SIGLEC1: variants seen among roughly 807,000 people sequenced by gnomAD.
SIGLEC1 encodes sialic acid binding Ig like lectin 1, also known as sialoadhesin.
In SIGLEC1, 132 loss-of-function variants were observed where a neutral mutation model predicts 148.0. The observed-to-expected ratio is 0.89, with a 90% CI of 0.77 to 1.03. The LOEUF (loss-of-function observed/expected upper bound fraction) is 1.03, where lower values mean the gene tolerates loss of function less well. Ranked by LOEUF, SIGLEC1 falls within the 50% of genes least tolerant of loss-of-function variation. The pLI is 0.00. For synonymous variants in SIGLEC1, 945 were observed against 969.0 expected, an observed-to-expected ratio of 0.98 and a Z score of 0.46; for missense variants, 2,253 against 2,271.4, an observed-to-expected ratio of 0.99 and a Z score of 0.16.
chr20:3,692,945 T>C lies in SIGLEC1; in HGVS notation c.3695A>G (p.Gln1232Arg). 1 of 1,612,646 alleles carries C rather than the reference T, an allele frequency of 6.2e-7. No individual in the cohort carries two copies. The highest frequency in any genetic ancestry group is 8.5e-7 in the Non-Finnish European group (1 of 1,179,908). The change falls in exon 15 of 22, where the codon CAG becomes CGG. Residue 1232 changes from glutamine to arginine, a missense_variant. Coordinates refer to ENST00000344754, the MANE Select transcript of SIGLEC1 (RefSeq NM_023068.4). Reference sequence around the variant, plus strand: ...GCTGTAGAAACCCTCATCCCTGGGCTGTGGCCCTCGCAGCTCCAGGCGCAG... The same window carrying C: ...GCTGTAGAAACCCTCATCCCTGGGCCGTGGCCCTCGCAGCTCCAGGCGCAG... Reference protein sequence around the residue: ...NTLRLELRGPQPRDEGFYSCS... With the variant: ...NTLRLELRGPRPRDEGFYSCS...
chr20:3,691,511 C>T lies in SIGLEC1; in HGVS notation c.4420G>A (p.Val1474Met). 6.2e-7 allele frequency: 1 copy of T among 1,613,344 alleles called. No homozygotes were observed. Among genetic ancestry groups the T allele is most frequent in the East Asian group, 2.2e-5 (1 of 44,890 alleles). ...SCRLLGGPGP[V>M]GNSTFAWFWN... Reference sequence around the variant, plus strand: ...AACCATGCAAAGGTGGAGTTGCCCACAGGCCCAGGGCCACCCAGGAGGCGG... The same window carrying T: ...AACCATGCAAAGGTGGAGTTGCCCATAGGCCCAGGGCCACCCAGGAGGCGG... The change falls in exon 18 of 22, where the codon GTG becomes ATG. Residue 1474 changes from valine (V) to methionine (M), a missense_variant. By Grantham distance (21) the Val-to-Met change is conservative. Transcript: ENST00000344754.
At chr20:3,699,058 G>A in intron 8 of SIGLEC1, 144 bp downstream of exon 8, 1 of 922,832 alleles carries the variant, frequency 1.1e-6, no homozygotes, top group South Asian at 1.6e-5. Flanking sequence ...AGCCCCACAT[G>A]GAAAGACCCA....
chr20:3,695,603 A>G (rs955896755), intron 11 of SIGLEC1, among the ~76,000 whole-genome samples: 3 of 152,190 alleles, frequency 2.0e-5, no homozygotes, highest in Non-Finnish European at 4.4e-5. Context: ...TAGCAGGGTC[A>G]TGCAACTGGG....
Position 3,694,124 on chromosome 20 carries a change from G to A in SIGLEC1, c.3256+97C>T, listed in dbSNP as rs149447765. On this transcript the variant is annotated intron_variant, in intron 13 of 21. Coordinates refer to ENST00000344754, the MANE Select transcript of SIGLEC1 (RefSeq NM_023068.4). ...AAGGGTGGGAATGGGGACTATTCCC[G>A]TGCCCCCAGGCTTCTAGAACCCTGT... The A allele has an allele frequency of 1.8e-4, 234 of 1,320,646 alleles. 2 individuals carry two copies. The African/African-American group carries it at 2.0e-3, about 11-fold the overall frequency. 81.8% of individuals were successfully genotyped at this position (1,320,646 alleles called of 1,614,324 possible).
chr20:3,703,843 T>A lies in SIGLEC1; in HGVS notation c.955A>T (p.Ile319Phe). The A allele has an allele frequency of 1.2e-6, 2 of 1,613,942 alleles. No homozygotes were observed. Among genetic ancestry groups the A allele is most frequent in the Non-Finnish European group, 1.7e-6 (2 of 1,179,994 alleles). The change falls in exon 5 of 22, where the codon ATC (isoleucine) becomes TTC (phenylalanine). Residue 319 changes from isoleucine (I) to phenylalanine (F), a missense_variant. Physicochemically the swap from Ile to Phe is conservative, Grantham distance 21. Transcript: ENST00000344754. ...NGVGSLVSPP[I>F]SLHIFMAEVQ... ...AACTCACTGAAGATGTGGAGGCTGA[T>A]GGGGGGTGAGACCAAAGAGCCCACG...
chr20:3,694,795 G>C lies in SIGLEC1; in HGVS notation c.2812C>G (p.Gln938Glu). 1 of 1,613,628 alleles carries C rather than the reference G, an allele frequency of 6.2e-7. No homozygotes were observed. Among genetic ancestry groups the C allele is most frequent in the East Asian group, 2.2e-5 (1 of 44,882 alleles). Reference sequence around the variant, plus strand: ...CGGAGCGTGGCCGAGGTCGACTCCTGGAGGGGCTGGCCATCCCGATACCAA... The same window carrying C: ...CGGAGCGTGGCCGAGGTCGACTCCTCGAGGGGCTGGCCATCCCGATACCAA... ...YRWYRDGQPL[Q>E]ESTSATLRFA... Residue 938 changes from glutamine to glutamate, a missense_variant, in exon 12 of 22, where the codon CAG (glutamine) becomes GAG (glutamate). Gln to Glu is a conservative substitution (Grantham distance 29, BLOSUM62 2). Transcript: ENST00000344754.
intron 7 of SIGLEC1, 98 bp downstream of exon 7, chr20:3,701,244 C>A: frequency 8.6e-7 from 1 of 1,156,582 alleles, no homozygotes; most frequent in South Asian, 1.6e-5. Flanking sequence ...TTAGCTCAGT[C>A]CTGCGGTTGA....
rs747105404 is a variant in SIGLEC1 at position 3,703,953 on chromosome 20, C to T, written c.845G>A (p.Arg282His). 8 of 1,612,842 alleles carry T rather than the reference C, an allele frequency of 5.0e-6. No homozygotes were observed. Among genetic ancestry groups the T allele is most frequent in the East Asian group, 4.5e-5 (2 of 44,852 alleles). ...SSIKWLKDGV[R>H]LQTKTGVLHL... is the part of the protein sequence containing the mutation. ...CAGCACACCAGTCTTGGTTTGGAGG[C>T]GTACCCCATCCTTGAGCCACTTAAT... The change falls in exon 5 of 22, where the codon CGC becomes CAC. Residue 282 changes from arginine to histidine, a missense_variant. Coordinates refer to ENST00000344754, the MANE Select transcript of SIGLEC1 (RefSeq NM_023068.4).
chr20:3,707,446 C>A (rs761634581), intron 1 of SIGLEC1, among the ~76,000 whole-genome samples: 8 of 152,176 alleles, frequency 5.3e-5, no homozygotes, highest in African/African-American at 7.2e-5. Flanking sequence ...GCTTTCCCAG[C>A]CCCTCAAGGA....
At chr20:3,704,257 G>A (rs914810170) in intron 4 of SIGLEC1, among the ~76,000 whole-genome samples, 166 bp from the exon 5 acceptor site, 5 of 152,166 alleles carry the variant, frequency 3.3e-5, no homozygotes, top group African/African-American at 9.7e-5. Flanking sequence ...GCCCATGTCC[G>A]TCCCTTTCCC....
Position 3,692,573 on chromosome 20 carries a change from G to A in SIGLEC1, c.3978C>T (p.Ala1326=), listed in dbSNP as rs1268272802. Residue 1326 remains alanine (A), a synonymous_variant, in exon 16 of 22, where the codon GCC becomes GCT. Transcript: ENST00000344754. ...AGCTGCGGGTGCCCTGGGCATCCTG[G>A]GCCTGGCAAGAGTAGGCGCCTGCAT... is the stretch of plus-strand genomic sequence containing the variant. The part of the protein sequence containing the change: ...RAHAGAYSCQ[A]QDAQGTRSSR... The A allele has an allele frequency of 1.2e-6, 2 of 1,610,402 alleles. No homozygotes were observed. Among genetic ancestry groups the A allele is most frequent in the Non-Finnish European group, 1.7e-6 (2 of 1,179,758 alleles).
Position 3,693,563 on chromosome 20 carries a change from G to C in SIGLEC1, c.3392C>G (p.Ala1131Gly), listed in dbSNP as rs772466445. Residue 1131 changes from alanine to glycine, a missense_variant, in exon 14 of 22, where the codon GCC becomes GGC. Physicochemically the swap from Ala to Gly is moderately conservative, Grantham distance 60. Transcript: ENST00000344754. ...GACGTTGGGCAGGGGGATGGAGTGG[G>C]CATCCAGGCGCTGCTGCCCATCCTG... ...WYQDGQQRLD[A>G]HSIPLPNVTV... 24 of 1,612,428 alleles carry C rather than the reference G, an allele frequency of 1.5e-5. No individual in the cohort carries two copies. In the Admixed American group the frequency reaches 3.7e-4, roughly 25 times the overall value.
In SIGLEC1 at chr20:3,710,406, G is replaced by C. The variant is rs1273473813; in HGVS notation, c.-110+2064C>G. On this transcript the variant is annotated intron_variant, in intron 1 of 21. Coordinates refer to ENST00000344754, the MANE Select transcript of SIGLEC1 (RefSeq NM_023068.4). The surrounding 1 kb of genome is among the most constrained non-coding windows in gnomAD (Gnocchi z 4.6). Reference sequence around the variant, plus strand: ...GACCCAGCCCTCTCGCAGGCTGCTGGAGTGGACTGATCTGGCCATTTATGG... The same window carrying C: ...GACCCAGCCCTCTCGCAGGCTGCTGCAGTGGACTGATCTGGCCATTTATGG... Among the ~76,000 whole-genome samples, 1 of 152,222 alleles carries C rather than the reference G, an allele frequency of 6.6e-6. No homozygotes were observed. Among genetic ancestry groups the C allele is most frequent in the Non-Finnish European group, 1.5e-5 (1 of 68,026 alleles).
rs2087898691 is a variant in SIGLEC1, at chr20:3,706,679, G to A, written c.77C>T (p.Pro26Leu). The A allele has an allele frequency of 2.6e-6, 4 of 1,552,886 alleles. No individual in the cohort carries two copies. In the East Asian group the frequency reaches 9.7e-5, roughly 38 times the overall value. Residue 26 changes from proline to leucine, a missense_variant, in exon 3 of 22, where the codon CCC (proline) becomes CTC (leucine). Transcript: ENST00000344754. ...CCCCTTCACACCCTGCACGTCCTGG[G>A]GACTGGAGACGCCCCATGAGGCCTG... ...AGQASWGVSS[P>L]QDVQGVKGSC... is the part of the protein sequence containing the mutation.
chr20:3,694,246 C>T lies in SIGLEC1; in HGVS notation c.3231G>A (p.Ser1077=), dbSNP rs777553790. The T allele has an allele frequency of 6.1e-5, 99 of 1,611,128 alleles. No individual in the cohort carries two copies. Among genetic ancestry groups the T allele is most frequent in the Middle Eastern group, 1.6e-4 (1 of 6,082 alleles). Residue 1077 remains serine (S), a synonymous_variant, in exon 13 of 22, where the codon TCG becomes TCA. Transcript: ENST00000344754. ...CEASNTLGQA[S]ASADFDAQAV... Reference sequence around the variant, plus strand: ...CTTGAGCGTCGAAGTCAGCTGAGGCCGAGGCCTGGCCCAGGGTGTTGGAGG... The same window carrying T: ...CTTGAGCGTCGAAGTCAGCTGAGGCTGAGGCCTGGCCCAGGGTGTTGGAGG...
Position 3,697,077 on chromosome 20 carries a change from T to C in SIGLEC1, c.2380+8A>G, listed in dbSNP as rs1276683434. ...CAAGTCCCCAGGCTGCCCATGCCAG[T>C]CACCCACAGAGTACACTCAGGAGCA... On this transcript the variant is annotated splice_region_variant and intron_variant, in intron 10 of 21. Transcript: ENST00000344754. The C allele has an allele frequency of 6.2e-7, 1 of 1,606,064 alleles. No individual in the cohort carries two copies. The highest frequency in any genetic ancestry group is 1.1e-5 in the South Asian group (1 of 90,978).
In SIGLEC1 at chr20:3,707,212, T is replaced by C; in HGVS notation, c.-84A>G. 7.8e-7 allele frequency: 1 copy of C among 1,277,482 alleles called. No individual in the cohort carries two copies. The allele number at this position is 1,277,482 out of a possible 1,614,324, so 79.1% of individuals were successfully genotyped here. On this transcript the variant is annotated 5_prime_UTR_variant, in exon 2 of 22. Transcript: ENST00000344754. ...GCTCACAGGGGCCTCCAGGGACACC[T>C]CTGGGCACTTTAGCCCCAGCACCTG... is the stretch of plus-strand genomic sequence containing the variant.
At chr20:3,709,406 A>C (rs746823791) in intron 1 of SIGLEC1, among the ~76,000 whole-genome samples, 1 of 152,256 alleles carries the variant, frequency 6.6e-6, no homozygotes, top group Non-Finnish European at 1.5e-5. Flanking sequence ...ATTCACAAAC[A>C]AACAAAGCAA....
At position 3,694,909 on chromosome 20, in the gene SIGLEC1, C is replaced by T. The variant is rs370520163; in HGVS notation, c.2698G>A (p.Val900Met). The T allele has an allele frequency of 1.6e-5, 26 of 1,611,644 alleles. No homozygotes were observed. The highest frequency in any genetic ancestry group is 2.7e-5 in the African/African-American group (2 of 74,858). Reference protein sequence around the residue: ...FFQVRGAWVQVSPSPELQEGQ... With the variant: ...FFQVRGAWVQMSPSPELQEGQ... ...TCTTGGAGCTCAGGTGATGGTGACA[C>T]CTGGACCCAGGCTCCTGCAGGGGAA... The change falls in exon 12 of 22, where the codon GTG becomes ATG. Residue 900 changes from valine (V) to methionine (M), a missense_variant. Val to Met is a conservative substitution (Grantham distance 21, BLOSUM62 1). Coordinates refer to ENST00000344754, the MANE Select transcript of SIGLEC1 (RefSeq NM_023068.4).
Sources: gnomAD v4.1 joint callset for allele counts (sites outside exome capture counted in the v4.1 genomes callset) on GRCh38, gnomAD v4.1.1 for gene constraint, Gnocchi (gnomAD v3.1) non-coding constraint, MANE v1.5 for transcripts, NCBI Gene and HGNC (gene_info 2026-07-23, HGNC 2026-07-21) for gene names.